NAALADL2: variants seen among roughly 807,000 people sequenced by gnomAD.
NAALADL2 encodes N-acetylated alpha-linked acidic dipeptidase like 2.
Under a neutral mutation model 87.2 loss-of-function variants are expected in NAALADL2, and 76 were observed. That is an observed-to-expected ratio of 0.87 (90% confidence interval 0.72 to 1.05). The LOEUF is 1.05. Ranked by LOEUF, NAALADL2 falls within the 50% of genes least tolerant of loss-of-function variation. The probability of loss-of-function intolerance (pLI) is 0.00; values close to 1 mark genes in which losing one functional copy is unlikely to be tolerated. For missense variants in NAALADL2, 1,089 were observed against 945.8 expected, an observed-to-expected ratio of 1.15 and a Z score of -1.99; for synonymous variants, 354 against 331.0, an observed-to-expected ratio of 1.07 and a Z score of -0.75.
intron 2 of NAALADL2, among the ~76,000 whole-genome samples, chr3:175,103,086 G>C (rs1033209686): frequency 6.9e-5 from 10 of 145,650 alleles, no homozygotes; most frequent in African/African-American, 2.6e-4. Flanking sequence ...CCAGCCAAAC[G>C]GCAGAGCGAG....
chr3:175,087,926 A>AG, intron 1 of NAALADL2, among the ~76,000 whole-genome samples: 1 of 152,202 alleles, frequency 6.6e-6, no homozygotes, highest in East Asian at 1.9e-4. Flanking sequence ...AAAAAAAAAA[A>AG]ATCTTGACTT....
chr3:175,232,090 A>T (rs1431232154), intron 2 of NAALADL2, among the ~76,000 whole-genome samples: 2 of 151,942 alleles, frequency 1.3e-5, no homozygotes, highest in Non-Finnish European at 2.9e-5. Flanking sequence ...ATCCAAGTAG[A>T]TATTTAAAAA....
chr3:175,259,292 C>A (rs1750616572), intron 4 of NAALADL2, among the ~76,000 whole-genome samples: 1 of 152,090 alleles, frequency 6.6e-6, no homozygotes, highest in Non-Finnish European at 1.5e-5. Flanking sequence ...AAAAGCAGAC[C>A]TGAGCTGGTG....
intron 5 of NAALADL2, among the ~76,000 whole-genome samples, chr3:175,432,735 GT>G (rs1490586193): frequency 6.6e-6 from 1 of 151,986 alleles, no homozygotes; most frequent in East Asian, 1.9e-4. Flanking sequence ...TCTATTAATT[GT>G]TTTTTAGGGC....
intron 11 of NAALADL2, among the ~76,000 whole-genome samples, chr3:175,681,217 A>G (rs539048271): frequency 1.3e-5 from 2 of 152,306 alleles, no homozygotes; most frequent in African/African-American, 2.4e-5. Flanking sequence ...GTAATATTCT[A>G]TCACACAATA....
intron 1 of NAALADL2, among the ~76,000 whole-genome samples, chr3:175,028,592 G>A (rs140452911): frequency 9.4e-4 from 143 of 151,996 alleles, no homozygotes; most frequent in African/African-American, 3.4e-3. Flanking sequence ...TACCTCAGAA[G>A]TTCAGTGTTT....
intron 9 of NAALADL2, among the ~76,000 whole-genome samples, chr3:175,511,438 G>T (rs145948948): frequency 1.3e-4 from 20 of 152,274 alleles, no homozygotes; most frequent in African/African-American, 4.8e-4. Context: ...GAACAGGGAT[G>T]CACATGCACA....
intron 9 of NAALADL2, among the ~76,000 whole-genome samples, chr3:175,546,709 G>A (rs901158050): frequency 2.0e-4 from 30 of 152,048 alleles, no homozygotes; most frequent in African/African-American, 6.3e-4. Flanking sequence ...TTGACCCACA[G>A]TTTCTTCTGG....
chr3:174,651,634 T>G (rs1029982981), intron 2 of NAALADL2, among the ~76,000 whole-genome samples: 1 of 152,176 alleles, frequency 6.6e-6, no homozygotes, highest in Non-Finnish European at 1.5e-5. Flanking sequence ...CCAAATGTCA[T>G]GTGGTTAATA....
At chr3:175,242,499 T>C (rs1581082440) in intron 3 of NAALADL2, 2 of 152,328 alleles carry the variant, frequency 1.3e-5, no homozygotes, top group Admixed American at 1.3e-4. Flanking sequence ...TGCTGTCATA[T>C]TAGTTTCACA....
chr3:175,354,642 T>A (rs1427562149), intron 5 of NAALADL2, among the ~76,000 whole-genome samples: 1 of 151,968 alleles, frequency 6.6e-6, no homozygotes, highest in African/African-American at 2.4e-5. Flanking sequence ...ACTTAACATA[T>A]ACTATTATTT....
intron 4 of NAALADL2, among the ~76,000 whole-genome samples, chr3:175,319,431 G>A (rs1190349426): frequency 6.6e-6 from 1 of 152,034 alleles, no homozygotes; most frequent in Non-Finnish European, 1.5e-5. Context: ...TCTATTTTTG[G>A]CACATTGTTT....
chr3:174,578,926 T>A (rs1426531594), intron 2 of NAALADL2, among the ~76,000 whole-genome samples: 1 of 151,916 alleles, frequency 6.6e-6, no homozygotes, highest in Non-Finnish European at 1.5e-5. Flanking sequence ...TTCATCATCT[T>A]ACGAAAGAAA....
intron 1 of NAALADL2, among the ~76,000 whole-genome samples, chr3:174,530,135 C>A (rs80282383): frequency 6.6e-6 from 1 of 152,126 alleles, no homozygotes; most frequent in Non-Finnish European, 1.5e-5. Context: ...ACACAAGTCA[C>A]CTCTTCAGTG....
chr3:175,058,106 C>A (rs151106880), intron 1 of NAALADL2, among the ~76,000 whole-genome samples: 4 of 152,190 alleles, frequency 2.6e-5, no homozygotes, highest in African/African-American at 9.6e-5. Flanking sequence ...ATTTGGTAAA[C>A]TTCTATTACG....
At chr3:175,271,661 G>A (rs1007062285) in intron 4 of NAALADL2, among the ~76,000 whole-genome samples, 11 of 152,032 alleles carry the variant, frequency 7.2e-5, no homozygotes, top group Non-Finnish European at 1.0e-4. Context: ...GTGTGGTGGC[G>A]CACGCCTGTA....
chr3:175,288,464 A>G (rs956853610), intron 4 of NAALADL2, among the ~76,000 whole-genome samples: 1 of 152,352 alleles, frequency 6.6e-6, no homozygotes, highest in African/African-American at 2.4e-5. Context: ...AGTATCCATC[A>G]TAACACCTCA....
At chr3:174,582,450 T>A (rs2108563143) in intron 2 of NAALADL2, among the ~76,000 whole-genome samples, 1 of 152,350 alleles carries the variant, frequency 6.6e-6, no homozygotes, top group East Asian at 1.9e-4. Flanking sequence ...CTGCATTTAA[T>A]AGTTTGAATA....
At chr3:175,113,784 C>G (rs988516652) in intron 2 of NAALADL2, among the ~76,000 whole-genome samples, 2 of 151,528 alleles carry the variant, frequency 1.3e-5, no homozygotes, top group Non-Finnish European at 3.0e-5. Context: ...AATAAGCATG[C>G]CTGCCTATTG....
Sources: allele counts gnomAD v4.1 joint callset (sites outside exome capture counted in the v4.1 genomes callset), GRCh38; gene constraint gnomAD v4.1.1; transcripts MANE v1.5; gene names NCBI Gene and HGNC (gene_info 2026-07-23, HGNC 2026-07-21).